STXBP5L: variants seen among roughly 807,000 people sequenced by gnomAD.
STXBP5L encodes the protein syntaxin-binding protein 5-like.
Under a neutral mutation model 144.5 loss-of-function variants are expected in STXBP5L, and 65 were observed. That is an observed-to-expected ratio of 0.45 (90% CI 0.37 to 0.55). The LOEUF is 0.55. Among genes scored for constraint, STXBP5L ranks in the 20% least tolerant of loss-of-function variants. STXBP5L has a pLI of 0.00. For missense variants in STXBP5L, 1,298 were observed against 1,405.5 expected (o/e 0.92, Z 1.22); for synonymous variants, 505 against 469.6 (o/e 1.08, Z -0.97).
chr3:120,928,097 CA>C (rs928341959), intron 2 of STXBP5L, among the ~76,000 whole-genome samples: 1 of 152,068 alleles, frequency 6.6e-6, no homozygotes, highest in African/African-American at 2.4e-5. Context: ...ACATAAAAAT[CA>C]GATTTTAAGT....
Position 121,302,124 on chromosome 3 carries a change from C to G in STXBP5L, c.2111-16351C>G, listed in dbSNP as rs191512339. Reference sequence around the variant, plus strand: ...TGGAATAGTTTCAGAAGGAATGATACCAGCTCCTCCTTGTACCTCTGGTAG... The same window carrying G: ...TGGAATAGTTTCAGAAGGAATGATAGCAGCTCCTCCTTGTACCTCTGGTAG... On this transcript the variant is annotated intron_variant, in intron 19 of 26. Coordinates refer to ENST00000471454, the MANE Select transcript of STXBP5L (RefSeq NM_001308330.2). 2.6e-5 allele frequency among the ~76,000 whole-genome samples: 4 copies of G among 152,270 alleles called. No individual in the cohort carries two copies. In the East Asian group the frequency reaches 7.7e-4, roughly 29 times the overall value.
At chr3:121,014,321 T>A (rs538100969) in intron 3 of STXBP5L, among the ~76,000 whole-genome samples, 21 of 152,064 alleles carry the variant, frequency 1.4e-4, no homozygotes, top group African/African-American at 4.8e-4. Context: ...ACCTCTTACA[T>A]CAACATCCAC....
chr3:121,317,264 CTCTA>C (rs1311920580), intron 19 of STXBP5L, among the ~76,000 whole-genome samples: 2 of 152,140 alleles, frequency 1.3e-5, no homozygotes, highest in Non-Finnish European at 2.9e-5. Flanking sequence ...GTATTCAGTG[CTCTA>C]TAAGCAATTG....
chr3:120,978,389 G>C (rs977272250), intron 3 of STXBP5L, among the ~76,000 whole-genome samples: 5 of 152,142 alleles, frequency 3.3e-5, no homozygotes, highest in South Asian at 2.1e-4. Context: ...TTGGCTTTCA[G>C]CTCCATCAGC....
chr3:121,186,609 T>A (rs916684385), intron 9 of STXBP5L, among the ~76,000 whole-genome samples: 3 of 152,232 alleles, frequency 2.0e-5, no homozygotes, highest in Non-Finnish European at 2.9e-5. Flanking sequence ...TTGATTTTCA[T>A]ATGTTGAACC....
At chr3:121,191,850 A>G (rs2047699151) in intron 9 of STXBP5L, among the ~76,000 whole-genome samples, 1 of 152,086 alleles carries the variant, frequency 6.6e-6, no homozygotes, top group South Asian at 2.1e-4. Context: ...GCAAGGACAG[A>G]AAACCAAACA....
chr3:121,258,962 A>C, intron 17 of STXBP5L, 81 bp from the exon 18 acceptor site: 2 of 1,361,710 alleles, frequency 1.5e-6, no homozygotes, highest in South Asian at 2.1e-5. Flanking sequence ...TTTCTGTAGC[A>C]TGATTCTATG....
intron 9 of STXBP5L, among the ~76,000 whole-genome samples, chr3:121,181,078 C>T (rs1282061404): frequency 7.6e-6 from 1 of 131,012 alleles, no homozygotes; most frequent in Admixed American, 9.0e-5. Context: ...CCAGCCTGGG[C>T]AACAAGAGTG....
intron 2 of STXBP5L, among the ~76,000 whole-genome samples, chr3:120,945,234 A>G (rs886410757): frequency 2.6e-5 from 4 of 151,954 alleles, no homozygotes; most frequent in Middle Eastern, 6.8e-3. Flanking sequence ...CAAAAACTCG[A>G]CAAGTAACCT....
At chr3:121,386,128 A>G (rs2046420756) in intron 22 of STXBP5L, among the ~76,000 whole-genome samples, 1 of 152,186 alleles carries the variant, frequency 6.6e-6, no homozygotes, top group African/African-American at 2.4e-5. Flanking sequence ...ACATTGTAAA[A>G]TCAAACATAA....
intron 22 of STXBP5L, among the ~76,000 whole-genome samples, chr3:121,392,199 C>T (rs1441640418): frequency 1.3e-5 from 2 of 152,218 alleles, no homozygotes; most frequent in Admixed American, 1.3e-4. Context: ...GGCATGGGAC[C>T]TGCCAAGCCA....
At chr3:121,243,555 A>AT (rs2108344073) in intron 14 of STXBP5L, among the ~76,000 whole-genome samples, 1 of 152,160 alleles carries the variant, frequency 6.6e-6, no homozygotes, top group Non-Finnish European at 1.5e-5. Flanking sequence ...AAAAAAAAAA[A>AT]AGTCCAGTAA....
intron 18 of STXBP5L, among the ~76,000 whole-genome samples, chr3:121,265,983 T>C (rs2050551167): frequency 1.3e-5 from 2 of 152,204 alleles, no homozygotes; most frequent in South Asian, 4.1e-4. Flanking sequence ...GAGGCAGTAA[T>C]TAATAGCCTA....
intron 2 of STXBP5L, among the ~76,000 whole-genome samples, chr3:120,933,205 A>T (rs1332815092): frequency 6.6e-6 from 1 of 152,154 alleles, no homozygotes; most frequent in Non-Finnish European, 1.5e-5. Flanking sequence ...ATAATAATAA[A>T]AAAAGAAATA....
rs781237298 is a variant in STXBP5L, at chr3:121,415,982, T to C, written c.3226+14T>C. The C allele has an allele frequency of 6.2e-7, 1 of 1,602,210 alleles. No homozygotes were observed. Among genetic ancestry groups the C allele is most frequent in the Non-Finnish European group, 8.5e-7 (1 of 1,170,798 alleles). ...GAGAAGAGCTCTGTGAGTAAATTCC[T>C]GATTATAGAAATGTATTGCAAAATA... On this transcript the variant is annotated intron_variant, in intron 25 of 26. Transcript: ENST00000471454.
At chr3:121,363,798 G>A (rs779081572) in intron 20 of STXBP5L, among the ~76,000 whole-genome samples, 1 of 151,868 alleles carries the variant, frequency 6.6e-6, no homozygotes, top group Non-Finnish European at 1.5e-5. Flanking sequence ...TCCTTGCTGG[G>A]GTCAAGGGGA....
intron 18 of STXBP5L, among the ~76,000 whole-genome samples, chr3:121,274,635 G>T (rs1372463525): frequency 6.6e-6 from 1 of 152,214 alleles, no homozygotes; most frequent in East Asian, 1.9e-4. Context: ...GGGCTCTGTG[G>T]TCAGAGGCAC....
intron 6 of STXBP5L, among the ~76,000 whole-genome samples, chr3:121,115,595 A>G (rs538499803): frequency 6.6e-6 from 1 of 152,268 alleles, no homozygotes; most frequent in South Asian, 2.1e-4. Context: ...AAATTCTCCA[A>G]ATATCAAACT....
chr3:121,071,179 A>T (rs182720594), intron 5 of STXBP5L, among the ~76,000 whole-genome samples: 2 of 152,366 alleles, frequency 1.3e-5, no homozygotes, highest in African/African-American at 4.8e-5. Flanking sequence ...GATTAAGCTT[A>T]TACTATGCAC....
Sources: gnomAD v4.1 joint callset for allele counts (sites outside exome capture counted in the v4.1 genomes callset) on GRCh38, gnomAD v4.1.1 for gene constraint, MANE v1.5 for transcripts, NCBI Gene and HGNC (gene_info 2026-07-23, HGNC 2026-07-21) for gene names.